DBX2: variants seen among roughly 807,000 people sequenced by gnomAD.
The protein encoded by DBX2 is homeobox protein DBX2.
A neutral mutation model predicts 17.7 loss-of-function variants in DBX2; 16 were observed. The ratio of observed to expected loss-of-function variants is 0.90; its 90% CI spans 0.61 to 1.37. DBX2 has a LOEUF of 1.37. Ranked by LOEUF, DBX2 falls within the 40% of genes most tolerant of loss-of-function variation. The pLI is 0.00. For synonymous variants in DBX2, 255 were observed against 183.8 expected, an observed-to-expected ratio of 1.39 and a Z score of -3.13; for missense variants, 538 against 433.8, an observed-to-expected ratio of 1.24 and a Z score of -2.13.
intron 1 of DBX2, among the ~76,000 whole-genome samples, chr12:45,037,637 C>T (rs1946447793): frequency 6.6e-6 from 1 of 152,010 alleles, no homozygotes; most frequent in African/African-American, 2.4e-5. Context: ...GACTACATAC[C>T]TTTTTGAAGA....
At chr12:45,023,609 A>C in intron 3 of DBX2, 98 bp downstream of exon 3, 3 of 1,389,962 alleles carry the variant, frequency 2.2e-6, no homozygotes, top group Non-Finnish European at 3.0e-6. Context: ...TTAAGAAATC[A>C]GAAGCAGTTG....
At chr12:45,042,652 A>T (rs1946477876) in intron 1 of DBX2, among the ~76,000 whole-genome samples, 1 of 152,226 alleles carries the variant, frequency 6.6e-6, no homozygotes. Context: ...GGTTTTCCTC[A>T]ATAGCTTGGT....
intron 1 of DBX2, 55 bp downstream of exon 1, chr12:45,050,470 C>T: frequency 6.5e-7 from 1 of 1,536,466 alleles, no homozygotes; most frequent in Admixed American, 2.0e-5. Context: ...GATCCCTGGA[C>T]CACCCGGCCT....
chr12:45,024,283 T>C (rs1005930200), intron 2 of DBX2, among the ~76,000 whole-genome samples: 5 of 152,218 alleles, frequency 3.3e-5, no homozygotes, highest in Non-Finnish European at 7.3e-5. Flanking sequence ...TCTCCCACGA[T>C]TGTCAGTTTC....
chr12:45,050,432 G>A, intron 1 of DBX2, 93 bp downstream of exon 1: 1 of 1,468,328 alleles, frequency 6.8e-7, no homozygotes, highest in Non-Finnish European at 9.0e-7. Flanking sequence ...GCTCTCCCTG[G>A]GCGCAGTGCG....
chr12:45,036,028 C>T lies in DBX2; in HGVS notation c.490G>A (p.Ala164Thr). Residue 164 changes from alanine to threonine, a missense_variant, in exon 2 of 4, where the codon GCT becomes ACT. Ala to Thr is a moderately conservative substitution (Grantham distance 58). Coordinates refer to ENST00000332700, the MANE Select transcript of DBX2 (RefSeq NM_001004329.3). ...AAGGATAAAAACTTACTTGGAAAAG[C>T]AGTGGAGGATGCAGGGCGCCGACAG... ...GSCRRPASST[A>T]FPREESMLPL... 6.2e-7 allele frequency: 1 copy of T among 1,612,862 alleles called. No individual in the cohort carries two copies. The highest frequency in any genetic ancestry group is 1.1e-5 in the South Asian group (1 of 90,672).
At chr12:45,030,689 T>C (rs1946404637) in intron 2 of DBX2, among the ~76,000 whole-genome samples, 1 of 152,210 alleles carries the variant, frequency 6.6e-6, no homozygotes, top group African/African-American at 2.4e-5. Context: ...GCTTTCTAAG[T>C]TTACAGTTTT....
chr12:45,018,535 G>A (rs112003847), intron 3 of DBX2, among the ~76,000 whole-genome samples: 13 of 152,100 alleles, frequency 8.5e-5, no homozygotes, highest in African/African-American at 2.4e-4. Flanking sequence ...TTGGGGAAAC[G>A]AATGTTTTCA....
At chr12:45,026,895 C>G (rs74080428) in intron 2 of DBX2, among the ~76,000 whole-genome samples, 11 of 152,026 alleles carry the variant, frequency 7.2e-5, no homozygotes, top group Non-Finnish European at 1.0e-4. Context: ...GGTTATTTCC[C>G]CTTTTACATC....
Position 45,035,890 on chromosome 12 carries a change from G to A in DBX2, c.499+129C>T, listed in dbSNP as rs1403582839. ...CTCTGGAAACCTCTTGAATAAGATCGCTGTGACTTTTAGTGAGGAATTAGC... is the reference window on the plus strand; with the variant it reads ...CTCTGGAAACCTCTTGAATAAGATCACTGTGACTTTTAGTGAGGAATTAGC... On this transcript the variant is annotated intron_variant, in intron 2 of 3. Coordinates refer to ENST00000332700, the MANE Select transcript of DBX2 (RefSeq NM_001004329.3). 1.6e-5 allele frequency: 13 copies of A among 827,240 alleles called. No homozygotes were observed. The South Asian group carries it at 2.3e-4, about 15-fold the overall frequency. The allele number at this position is 827,240 out of a possible 1,614,324, so 51.2% of individuals were successfully genotyped here. A position where few individuals can be genotyped will look rare whatever the true frequency, so the allele number is the denominator to read the frequency against.
In DBX2 at chr12:45,016,186, G is replaced by T; in HGVS notation, c.*100C>A. 7.8e-7 allele frequency: 1 copy of T among 1,290,316 alleles called. No homozygotes were observed. The highest frequency in any genetic ancestry group is 2.5e-5 in the East Asian group (1 of 39,492). 79.9% of individuals were successfully genotyped at this position (1,290,316 alleles called of 1,614,324 possible). On this transcript the variant is annotated 3_prime_UTR_variant, in exon 4 of 4. Coordinates refer to ENST00000332700, the MANE Select transcript of DBX2 (RefSeq NM_001004329.3). ...TTAGTTCATACATCGCTCCAAAGTT[G>T]TTAGGCTCTAAGCACTGATGAGGTA...
At chr12:45,032,853 CATT>C (rs1946417318) in intron 2 of DBX2, among the ~76,000 whole-genome samples, 1 of 152,152 alleles carries the variant, frequency 6.6e-6, no homozygotes, top group African/African-American at 2.4e-5. Context: ...TAGTTTACAT[CATT>C]AAGATTCCTA....
intron 3 of DBX2, among the ~76,000 whole-genome samples, chr12:45,020,278 G>A (rs760802681): frequency 7.9e-5 from 12 of 152,026 alleles, no homozygotes; most frequent in African/African-American, 9.6e-5. Context: ...TCAAATTAAC[G>A]GAATCATATA....
At chr12:45,032,726 C>G (rs954541830) in intron 2 of DBX2, among the ~76,000 whole-genome samples, 1 of 152,114 alleles carries the variant, frequency 6.6e-6, no homozygotes, top group African/African-American at 2.4e-5. Flanking sequence ...TGGCTCAAAT[C>G]TTTATAATGC....
chr12:45,019,698 G>A (rs893496612), intron 3 of DBX2, among the ~76,000 whole-genome samples: 5 of 152,042 alleles, frequency 3.3e-5, no homozygotes, highest in African/African-American at 1.2e-4. Context: ...TGAAATGATG[G>A]TCTGTTATGA....
intron 1 of DBX2, among the ~76,000 whole-genome samples, chr12:45,045,140 C>G (rs1313627724): frequency 1.3e-5 from 2 of 152,060 alleles, no homozygotes; most frequent in Non-Finnish European, 2.9e-5. Context: ...TACAACTTGC[C>G]TTTTTATTCC....
At chr12:45,038,384 T>C (rs573283928) in intron 1 of DBX2, among the ~76,000 whole-genome samples, 1 of 151,882 alleles carries the variant, frequency 6.6e-6, no homozygotes, top group African/African-American at 2.4e-5. Flanking sequence ...ATTTACCATG[T>C]TAACTGGAAA....
chr12:45,030,156 G>A (rs941744165), intron 2 of DBX2, among the ~76,000 whole-genome samples: 17 of 152,100 alleles, frequency 1.1e-4, no homozygotes, highest in Admixed American at 1.3e-4. Flanking sequence ...GATCATCATC[G>A]CCTCTCCCTA....
At chr12:45,022,826 T>C (rs59881437) in intron 3 of DBX2, among the ~76,000 whole-genome samples, 6,122 of 152,252 alleles carry the variant, frequency 0.04, 412 homozygotes, top group African/African-American at 0.14. Flanking sequence ...CCAGACGCCT[T>C]TGTACAGTGA....
Sources: allele counts gnomAD v4.1 joint callset (sites outside exome capture counted in the v4.1 genomes callset), GRCh38; gene constraint gnomAD v4.1.1; transcripts MANE v1.5; gene names NCBI Gene and HGNC (gene_info 2026-07-23, HGNC 2026-07-21).